SLX9: variants seen among roughly 807,000 people sequenced by gnomAD.
The protein encoded by SLX9 is SLX9 ribosome biogenesis factor.
Under a neutral mutation model 20.8 loss-of-function variants are expected in SLX9, and 19 were observed. The ratio of observed to expected loss-of-function variants is 0.91; its 90% CI spans 0.64 to 1.34. SLX9 has a LOEUF of 1.34. Among genes scored for constraint, SLX9 ranks in the 40% most tolerant of loss-of-function variants. SLX9 has a pLI of 0.00. For missense variants in SLX9, 299 were observed against 322.2 expected (o/e 0.93, Z 0.55); for synonymous variants, 113 against 137.1 (o/e 0.82, Z 1.23).
intron 1 of SLX9, among the ~76,000 whole-genome samples, chr21:44,942,293 C>G (rs57246688): frequency 0.19 from 28,943 of 152,198 alleles, 3,310 homozygotes; most frequent in East Asian, 0.27. Context: ...CAGCCACCTG[C>G]CTGCCCATCT....
intron 2 of SLX9, among the ~76,000 whole-genome samples, chr21:44,954,762 G>T (rs1275677444): frequency 6.6e-6 from 1 of 152,204 alleles, no homozygotes; most frequent in African/African-American, 2.4e-5. Flanking sequence ...AAACCTCGGC[G>T]GGGGGTGTCT....
intron 5 of SLX9, 47 bp from the exon 6 acceptor site, chr21:44,976,633 G>T: frequency 1.9e-6 from 3 of 1,553,886 alleles, no homozygotes; most frequent in Non-Finnish European, 2.6e-6. Flanking sequence ...AGGGGCTGAG[G>T]GGTCCGGGGG....
intron 2 of SLX9, among the ~76,000 whole-genome samples, chr21:44,952,689 G>A (rs2084780941): frequency 6.6e-6 from 1 of 152,244 alleles, no homozygotes; most frequent in South Asian, 2.1e-4. Context: ...CCCTCGTTTG[G>A]GGTGCTGCTA....
chr21:44,976,727 A>G lies in SLX9; in HGVS notation c.617A>G (p.Tyr206Cys). ...CAGGAGCTGCTGGCCAGTCCGGCCT[A>G]CAGAGCCAGCCCCCTGGTGGCCATC... is the stretch of plus-strand genomic sequence containing the variant. ...RFQELLASPA[Y>C]RASPLVAIGQ... Residue 206 changes from tyrosine to cysteine, a missense_variant, in exon 6 of 6, where the codon TAC becomes TGC. Tyr to Cys is a radical substitution (Grantham distance 194). Coordinates refer to ENST00000291634, the MANE Select transcript of SLX9 (RefSeq NM_058190.4). 1 of 1,572,220 alleles carries G rather than the reference A, an allele frequency of 6.4e-7. No individual in the cohort carries two copies. Among genetic ancestry groups the G allele is most frequent in the Non-Finnish European group, 8.6e-7 (1 of 1,159,572 alleles).
chr21:44,942,049 C>A (rs1342900957), intron 1 of SLX9, among the ~76,000 whole-genome samples: 1 of 152,188 alleles, frequency 6.6e-6, no homozygotes, highest in Non-Finnish European at 1.5e-5. Context: ...GAGGGGCGTG[C>A]CTTTAGTTGT....
At chr21:44,948,677 G>A (rs73376599) in intron 2 of SLX9, among the ~76,000 whole-genome samples, 3,864 of 152,272 alleles carry the variant, frequency 0.025, 163 homozygotes, top group African/African-American at 0.088. Flanking sequence ...GCTTGGGGGC[G>A]GTGGGGGCAT....
In SLX9 at chr21:44,952,093, C is replaced by T. The variant is rs572993318; in HGVS notation, c.284-8007C>T. ...AAAGGCCTTAAAAATGGTTTAAACA[C>T]ACAGCAGCAGCAGAACACACAGGAG... On this transcript the variant is annotated intron_variant, in intron 2 of 5. Transcript: ENST00000291634. 5.8e-4 allele frequency among the ~76,000 whole-genome samples: 79 copies of T among 136,388 alleles called. 3 individuals carry two copies. Among genetic ancestry groups the T allele is most frequent in the Non-Finnish European group, 9.7e-4 (66 of 67,888 alleles). 89.5% of individuals were successfully genotyped at this position (136,388 alleles called of 152,430 possible). A position where few individuals can be genotyped will look rare whatever the true frequency, so the allele number is the denominator to read the frequency against.
At chr21:44,973,122 G>A in intron 4 of SLX9, 75 bp from the exon 5 acceptor site, 1 of 1,542,604 alleles carries the variant, frequency 6.5e-7, no homozygotes, top group South Asian at 1.1e-5. Flanking sequence ...AAGAAGGGAG[G>A]AGCCAGCCTC....
rs1178308127 is a variant in SLX9 at position 44,969,122 on chromosome 21, G to A, written c.500+1941G>A. 4 of 468,104 alleles carry A rather than the reference G, an allele frequency of 8.5e-6. No individual in the cohort carries two copies. The East Asian group carries it at 2.8e-4, about 33-fold the overall frequency. The allele number at this position is 468,104 out of a possible 1,614,324, so 29.0% of individuals were successfully genotyped here. Reference sequence around the variant, plus strand: ...TCCATCTGGGCAGAAAGCAGGGGCTGTGTGCAGTGTCAAACCTGGGGTCCA... The same window carrying A: ...TCCATCTGGGCAGAAAGCAGGGGCTATGTGCAGTGTCAAACCTGGGGTCCA... On this transcript the variant is annotated intron_variant, in intron 4 of 5. Transcript: ENST00000291634.
chr21:44,967,057 G>C lies in SLX9; in HGVS notation c.376G>C (p.Glu126Gln), dbSNP rs1191873437. ...AGAAATCGAAGCCATAAAACTGGCTGAGCAGAAGCACAGGGAGGAGCGGAG... is the reference window on the plus strand; with the variant it reads ...AGAAATCGAAGCCATAAAACTGGCTCAGCAGAAGCACAGGGAGGAGCGGAG... ...LQKIEAIKLAEQKHREERRRR... is the reference protein window; with the variant it reads ...LQKIEAIKLAQQKHREERRRR... The change falls in exon 4 of 6, where the codon GAG becomes CAG. Residue 126 changes from glutamate (E) to glutamine (Q), a missense_variant. Coordinates refer to ENST00000291634, the MANE Select transcript of SLX9 (RefSeq NM_058190.4). 2 of 1,611,310 alleles carry C rather than the reference G, an allele frequency of 1.2e-6. No individual in the cohort carries two copies. Among genetic ancestry groups the C allele is most frequent in the Non-Finnish European group, 1.7e-6 (2 of 1,179,584 alleles).
At chr21:44,962,059 C>G (rs529547805) in intron 3 of SLX9, among the ~76,000 whole-genome samples, 13 of 152,364 alleles carry the variant, frequency 8.5e-5, no homozygotes, top group African/African-American at 3.1e-4. Flanking sequence ...TTCTGTCCAT[C>G]TACCAACATG....
intron 2 of SLX9, 35 bp downstream of exon 2, chr21:44,943,872 C>G (rs199972945): frequency 5.0e-6 from 8 of 1,613,496 alleles, no homozygotes; most frequent in Non-Finnish European, 6.8e-6. Flanking sequence ...ATGCTGATAC[C>G]CAGCAGGTCT....
At chr21:44,945,334 G>A (rs2084622792) in intron 2 of SLX9, among the ~76,000 whole-genome samples, 1 of 152,236 alleles carries the variant, frequency 6.6e-6, no homozygotes, top group Non-Finnish European at 1.5e-5. Context: ...CCCGAGCTGT[G>A]TCCCTGGTTG....
chr21:44,965,967 C>G (rs9980007), intron 3 of SLX9, among the ~76,000 whole-genome samples: 2 of 152,132 alleles, frequency 1.3e-5, no homozygotes, highest in African/African-American at 2.4e-5. Flanking sequence ...TATAAACCCC[C>G]GTGATTCCCA....
chr21:44,956,157 G>A (rs534126538), intron 2 of SLX9, among the ~76,000 whole-genome samples: 71 of 152,210 alleles, frequency 4.7e-4, no homozygotes, highest in Non-Finnish European at 8.5e-4. Flanking sequence ...ATGTAGGAAG[G>A]AAGCAATCTC....
chr21:44,953,037 G>A (rs1203301741), intron 2 of SLX9, among the ~76,000 whole-genome samples: 3 of 152,152 alleles, frequency 2.0e-5, no homozygotes, highest in African/African-American at 7.2e-5. Context: ...CCTGAGACTA[G>A]GAGGTCCCCA....
At chr21:44,969,629 A>T (rs1230540689) in intron 4 of SLX9, among the ~76,000 whole-genome samples, 12 of 152,192 alleles carry the variant, frequency 7.9e-5, no homozygotes, top group African/African-American at 2.4e-4. Context: ...AATGGCAAAG[A>T]TGGTGCCAAG....
At chr21:44,941,885 G>T (rs763590461) in intron 1 of SLX9, among the ~76,000 whole-genome samples, 1 of 152,154 alleles carries the variant, frequency 6.6e-6, no homozygotes, top group Non-Finnish European at 1.5e-5. Context: ...GCCCTCACAC[G>T]AGCTGCAGAC....
intron 2 of SLX9, among the ~76,000 whole-genome samples, chr21:44,945,509 T>C (rs1354808049): frequency 6.6e-6 from 1 of 152,138 alleles, no homozygotes; most frequent in Non-Finnish European, 1.5e-5. Flanking sequence ...GTCCCCAAGG[T>C]CACCTGCTGC....
Sources: allele counts gnomAD v4.1 joint callset (sites outside exome capture counted in the v4.1 genomes callset), GRCh38; gene constraint gnomAD v4.1.1; transcripts MANE v1.5; gene names NCBI Gene and HGNC (gene_info 2026-07-23, HGNC 2026-07-21).